Variants in KCNK3 observed in about 807,000 individuals in gnomAD.
The protein encoded by KCNK3 is potassium two pore domain channel subfamily K member 3.
In KCNK3, 9 loss-of-function variants were observed where a neutral mutation model predicts 27.3. The observed-to-expected ratio is 0.33, with a 90% CI of 0.20 to 0.57. The LOEUF is 0.57. Among genes scored for constraint, KCNK3 ranks in the 20% least tolerant of loss-of-function variants. The pLI is 0.87. For missense variants in KCNK3, 391 were observed against 577.7 expected (o/e 0.68, Z 3.31); for synonymous variants, 278 against 273.8 (o/e 1.02, Z -0.15).
intron 1 of KCNK3, among the ~76,000 whole-genome samples, chr2:26,714,914 TAAG>T (rs1663201059): frequency 6.6e-6 from 1 of 151,434 alleles, no homozygotes; most frequent in African/African-American, 2.4e-5. Flanking sequence ...AATAAATAAA[TAAG>T]GAGGGATGCA....
In KCNK3 at chr2:26,732,477, G is replaced by A. The variant is rs1663558505; in HGVS notation, c.*3909G>A. The A allele has an allele frequency of 6.6e-6, 1 of 152,212 alleles. No homozygotes were observed. Among genetic ancestry groups the A allele is most frequent in the African/African-American group, 2.4e-5 (1 of 41,442 alleles). The allele number at this position is 152,212 out of a possible 1,614,324, so 9.4% of individuals were successfully genotyped here. On this transcript the variant is annotated 3_prime_UTR_variant, in exon 2 of 2. Coordinates refer to ENST00000302909, the MANE Select transcript of KCNK3 (RefSeq NM_002246.3). Reference sequence around the variant, plus strand: ...CACACCGCCCCTCGTTACCCGCATAGGTCAACTGAAAGATACAGAGAGGGA... The same window carrying A: ...CACACCGCCCCTCGTTACCCGCATAAGTCAACTGAAAGATACAGAGAGGGA...
chr2:26,712,453 G>A (rs1435346507), intron 1 of KCNK3, among the ~76,000 whole-genome samples: 2 of 152,150 alleles, frequency 1.3e-5, no homozygotes, highest in Non-Finnish European at 2.9e-5. Flanking sequence ...AGAGAAGGGA[G>A]GCTGAATTCA....
rs1307672714 is a variant in KCNK3 at position 26,721,361 on chromosome 2, G to A, written c.284-6306G>A. Among the ~76,000 whole-genome samples, 2 of 152,052 alleles carry A rather than the reference G, an allele frequency of 1.3e-5. No individual in the cohort carries two copies. Among genetic ancestry groups the A allele is most frequent in the Non-Finnish European group, 2.9e-5 (2 of 67,976 alleles). ...TCACAGGAGGAGGGAGAGCACCTGCGCCCTCCTCCCGTCTCCACCAAGCTG... is the reference window on the plus strand; with the variant it reads ...TCACAGGAGGAGGGAGAGCACCTGCACCCTCCTCCCGTCTCCACCAAGCTG... On this transcript the variant is annotated intron_variant, in intron 1 of 1. Transcript: ENST00000302909. The surrounding 1 kb of genome is among the most constrained non-coding windows in gnomAD (Gnocchi z 4.3).
chr2:26,720,720 T>TG (rs1190323930), intron 1 of KCNK3, among the ~76,000 whole-genome samples: 1 of 147,760 alleles, frequency 6.8e-6, no homozygotes, highest in Non-Finnish European at 1.5e-5. Flanking sequence ...CTGGGGGTAG[T>TG]GGGGGGAAGA....
chr2:26,711,384 T>C (rs890050833), intron 1 of KCNK3, among the ~76,000 whole-genome samples: 1 of 152,192 alleles, frequency 6.6e-6, no homozygotes, highest in African/African-American at 2.4e-5. Context: ...ACTCTCCCAC[T>C]AAGTCCCCTC....
At chr2:26,697,170 C>T (rs1181444448) in intron 1 of KCNK3, among the ~76,000 whole-genome samples, 2 of 152,150 alleles carry the variant, frequency 1.3e-5, no homozygotes, top group African/African-American at 2.4e-5. Flanking sequence ...GACTCTCCTG[C>T]CCTGAATTTT....
At position 26,728,209 on chromosome 2, in the gene KCNK3, G is replaced by T. The variant is rs986931065; in HGVS notation, c.826G>T (p.Gly276Cys). 4.5e-6 allele frequency: 7 copies of T among 1,562,708 alleles called. No homozygotes were observed. In the South Asian group the frequency reaches 8.1e-5, roughly 18 times the overall value. The change falls in exon 2 of 2, where the codon GGT (glycine) becomes TGT (cysteine). Residue 276 changes from glycine (G) to cysteine (C), a missense_variant. Around this residue, in one of 4 missense-constraint regions of KCNK3, gnomAD observed 192 missense variants for 196.0 expected, o/e 0.98. Transcript: ENST00000302909. ...RNGQAGGGGG[G>C]GSAHTTDTAS... ...CGGGCAGGCGGGCGGCGGCGGAGGG[G>T]GTGGCAGCGCGCACACTACGGACAC...
intron 1 of KCNK3, among the ~76,000 whole-genome samples, chr2:26,697,629 A>C (rs1670251623): frequency 6.6e-6 from 1 of 152,084 alleles, no homozygotes; most frequent in Non-Finnish European, 1.5e-5. Context: ...AGCTGTGCCC[A>C]GCACCCGCCA....
At chr2:26,699,681 C>T (rs954500098) in intron 1 of KCNK3, among the ~76,000 whole-genome samples, 3 of 152,152 alleles carry the variant, frequency 2.0e-5, no homozygotes, top group South Asian at 2.1e-4. Flanking sequence ...AGACCCAGGA[C>T]GGACACTCCC....
At chr2:26,715,559 T>C (rs1203133057) in intron 1 of KCNK3, among the ~76,000 whole-genome samples, 1 of 152,152 alleles carries the variant, frequency 6.6e-6, no homozygotes, top group East Asian at 1.9e-4. Context: ...ATGAGATGAG[T>C]GGCAGGGAGT....
At chr2:26,727,390 G>A (rs1176304715) in intron 1 of KCNK3, among the ~76,000 whole-genome samples, 1 of 152,186 alleles carries the variant, frequency 6.6e-6, no homozygotes, top group Non-Finnish European at 1.5e-5. Flanking sequence ...ACGGACTCGA[G>A]TTCAAACACG....
intron 1 of KCNK3, among the ~76,000 whole-genome samples, chr2:26,713,489 A>G (rs1230548756): frequency 6.6e-6 from 1 of 152,168 alleles, no homozygotes; most frequent in Non-Finnish European, 1.5e-5. Flanking sequence ...GCTTAGAAAC[A>G]TGTATGTGGG....
chr2:26,728,611 AC>A lies in KCNK3; in HGVS notation c.*47del, dbSNP rs35356422. On this transcript the variant is annotated 3_prime_UTR_variant, in exon 2 of 2. Transcript: ENST00000302909. Reference sequence around the variant, plus strand: ...GAGCACCTGGGGGCGCGGGCGGGGGACCCCTGCTGGGAGGCCAGGAGACTGC... The same window carrying A: ...GAGCACCTGGGGGCGCGGGCGGGGGACCCTGCTGGGAGGCCAGGAGACTGC... The A allele has an allele frequency of 1.4e-6, 2 of 1,387,082 alleles. No homozygotes were observed. The highest frequency in any genetic ancestry group is 1.7e-5 in the South Asian group (1 of 59,760). 85.9% of individuals were successfully genotyped at this position (1,387,082 alleles called of 1,614,324 possible).
At chr2:26,726,494 C>T (rs544423818) in intron 1 of KCNK3, among the ~76,000 whole-genome samples, 15 of 152,236 alleles carry the variant, frequency 9.9e-5, no homozygotes, top group African/African-American at 3.4e-4. Context: ...AAGAAAATGC[C>T]AGCGTCATTT....
In KCNK3 at chr2:26,701,245, G is replaced by A. The variant is rs145109214; in HGVS notation, c.283+8087G>A. ...GGGAATCTGGTGGTAAAATGTCAGA[G>A]CTGAGGGCCCAGGAGCTGTGGCCGC... is the stretch of plus-strand genomic sequence containing the variant. On this transcript the variant is annotated intron_variant, in intron 1 of 1. Coordinates refer to ENST00000302909, the MANE Select transcript of KCNK3 (RefSeq NM_002246.3). Among the ~76,000 whole-genome samples the A allele has an allele frequency of 8.9e-3, 1,358 of 152,350 alleles. 24 individuals carry two copies. The highest frequency in any genetic ancestry group is 0.032 in the African/African-American group (1,313 of 41,578).
At chr2:26,706,513 G>C (rs1031076156) in intron 1 of KCNK3, among the ~76,000 whole-genome samples, 1 of 152,136 alleles carries the variant, frequency 6.6e-6, no homozygotes, top group African/African-American at 2.4e-5. Flanking sequence ...CTGAGTCATG[G>C]ATTTTCCAGC....
At chr2:26,722,168 C>A (rs555818857) in intron 1 of KCNK3, among the ~76,000 whole-genome samples, 26 of 152,224 alleles carry the variant, frequency 1.7e-4, no homozygotes, top group Admixed American at 6.5e-4. Context: ...CTGAGAAAGC[C>A]TAGGCTCAAA....
intron 1 of KCNK3, among the ~76,000 whole-genome samples, chr2:26,708,355 A>G (rs1248171053): frequency 1.3e-5 from 2 of 152,178 alleles, no homozygotes; most frequent in African/African-American, 4.8e-5. Flanking sequence ...TGGACACTGC[A>G]GGGCCATGGA....
intron 1 of KCNK3, among the ~76,000 whole-genome samples, chr2:26,723,892 C>T (rs80001477): frequency 0.016 from 2,386 of 152,256 alleles, 75 homozygotes; most frequent in African/African-American, 0.055. Context: ...GCAGGTACTG[C>T]GAGAGAGGGT....
Sources: allele counts gnomAD v4.1 joint callset (sites outside exome capture counted in the v4.1 genomes callset), GRCh38; gene constraint gnomAD v4.1.1; regional missense constraint gnomAD v4.1.1; non-coding constraint Gnocchi (gnomAD v3.1); transcripts MANE v1.5; gene names NCBI Gene and HGNC (gene_info 2026-07-23, HGNC 2026-07-21).